Variants in ADAMTSL3 observed in about 807,000 individuals in gnomAD.
ADAMTSL3 encodes ADAMTS like 3, also known as ADAMTS-like protein 3.
A neutral mutation model predicts 201.7 loss-of-function variants in ADAMTSL3; 128 were observed. The observed-to-expected ratio is 0.63, with a 90% CI of 0.55 to 0.73. ADAMTSL3 has a LOEUF of 0.73. ADAMTSL3 is among the 30% of genes least tolerant of loss of function. The probability of loss-of-function intolerance (pLI) is 0.00; values close to 1 mark genes in which losing one functional copy is unlikely to be tolerated. For missense variants in ADAMTSL3, 1,990 were observed against 2,119.6 expected (o/e 0.94, Z 1.20); for synonymous variants, 738 against 748.4 (o/e 0.99, Z 0.23).
intron 2 of ADAMTSL3, among the ~76,000 whole-genome samples, chr15:83,660,532 G>A (rs1380690423): frequency 6.6e-6 from 1 of 152,226 alleles, no homozygotes; most frequent in Admixed American, 6.5e-5. Context: ...CATGCTGGGT[G>A]ATCTGGGAGA....
intron 17 of ADAMTSL3, among the ~76,000 whole-genome samples, chr15:83,928,002 GTCTC>G (rs775421094): frequency 6.6e-6 from 1 of 151,058 alleles, no homozygotes; most frequent in Non-Finnish European, 1.5e-5. Context: ...TTGAGATAGG[GTCTC>G]TCTCTGTTGC....
At chr15:83,989,044 G>A (rs1020672941) in intron 22 of ADAMTSL3, among the ~76,000 whole-genome samples, 9 of 151,718 alleles carry the variant, frequency 5.9e-5, no homozygotes, top group Non-Finnish European at 1.2e-4. Context: ...CACCACGCCC[G>A]GCTAATTTTT....
chr15:83,829,447 A>G (rs2064103114), intron 6 of ADAMTSL3, among the ~76,000 whole-genome samples: 1 of 151,980 alleles, frequency 6.6e-6, no homozygotes, highest in South Asian at 2.1e-4. Context: ...CTAGCAGTCT[A>G]TCAATTTTGT....
chr15:83,841,912 C>T (rs1033879283), intron 7 of ADAMTSL3, among the ~76,000 whole-genome samples: 3 of 151,812 alleles, frequency 2.0e-5, no homozygotes, highest in Admixed American at 1.3e-4. Context: ...AACACACAGA[C>T]GCCGACAGGC....
chr15:83,768,318 A>T (rs961840594), intron 3 of ADAMTSL3, among the ~76,000 whole-genome samples: 1 of 152,328 alleles, frequency 6.6e-6, no homozygotes, highest in Non-Finnish European at 1.5e-5. Flanking sequence ...CTCAGAGTCA[A>T]ACAGCTTTTA....
At chr15:83,784,882 C>G (rs1278577635) in intron 4 of ADAMTSL3, among the ~76,000 whole-genome samples, 1 of 150,832 alleles carries the variant, frequency 6.6e-6, no homozygotes, top group Non-Finnish European at 1.5e-5. Flanking sequence ...TTCTTTATAT[C>G]TTTTCTTTCA....
chr15:83,677,557 A>G (rs1230484483), intron 2 of ADAMTSL3, among the ~76,000 whole-genome samples: 1 of 152,030 alleles, frequency 6.6e-6, no homozygotes, highest in Admixed American at 6.6e-5. Flanking sequence ...ACTTTATCTA[A>G]TATGAATGTA....
At chr15:83,831,364 C>G (rs2064153927) in intron 6 of ADAMTSL3, among the ~76,000 whole-genome samples, 1 of 152,018 alleles carries the variant, frequency 6.6e-6, no homozygotes, top group Non-Finnish European at 1.5e-5. Context: ...TGAGCATAAA[C>G]CCCCTTTTCA....
intron 8 of ADAMTSL3, among the ~76,000 whole-genome samples, chr15:83,868,569 T>G (rs2065022408): frequency 6.6e-6 from 1 of 152,176 alleles, no homozygotes; most frequent in African/African-American, 2.4e-5. Context: ...TCACCAGTCT[T>G]TCTTCACCCA....
chr15:83,654,513 C>G lies in ADAMTSL3; in HGVS notation c.-34+237C>G, dbSNP rs951536374. 6.6e-6 allele frequency among the ~76,000 whole-genome samples: 1 copy of G among 151,902 alleles called. No homozygotes were observed. Among genetic ancestry groups the G allele is most frequent in the African/African-American group, 2.4e-5 (1 of 41,358 alleles). ...GGAAGGTTCAGGGAGAGTCTTTCGG[C>G]GGCAGTTCGCGGGCTGAGGGGCGTT... On this transcript the variant is annotated intron_variant, in intron 1 of 29. Coordinates refer to ENST00000286744, the MANE Select transcript of ADAMTSL3 (RefSeq NM_207517.3). This position sits in a 1 kb window ranked among gnomAD's most constrained non-coding sequence, Gnocchi z 5.3.
intron 2 of ADAMTSL3, among the ~76,000 whole-genome samples, chr15:83,689,990 C>T (rs999809753): frequency 6.6e-6 from 1 of 152,078 alleles, no homozygotes; most frequent in African/African-American, 2.4e-5. Flanking sequence ...TGAGATTTTC[C>T]TCTTCTATTT....
At chr15:83,691,912 C>T (rs775296832) in intron 2 of ADAMTSL3, among the ~76,000 whole-genome samples, 12 of 152,130 alleles carry the variant, frequency 7.9e-5, no homozygotes, top group Admixed American at 5.2e-4. Context: ...CGGCGCCCAG[C>T]GTCCAAGTGA....
intron 2 of ADAMTSL3, among the ~76,000 whole-genome samples, chr15:83,703,945 CA>C (rs2061810096): frequency 7.4e-6 from 1 of 134,992 alleles, no homozygotes; most frequent in African/African-American, 2.9e-5. Flanking sequence ...AAAGTTTCTA[CA>C]ATGAAGTGCA....
chr15:83,773,212 G>A (rs1372812626), intron 3 of ADAMTSL3, among the ~76,000 whole-genome samples: 1 of 152,044 alleles, frequency 6.6e-6, no homozygotes, highest in African/African-American at 2.4e-5. Flanking sequence ...AGGAGTTCAA[G>A]ACCAACCTGG....
rs199876795 is a variant in ADAMTSL3 at position 83,773,488 on chromosome 15, G to T, written c.190-35G>T. ...ACATTTGCCTATACTTTATTGTGTG[G>T]TTTTTTTTTTGTTTGTTTGCTTTTT... is the stretch of plus-strand genomic sequence containing the variant. On this transcript the variant is annotated intron_variant, in intron 3 of 29. Transcript: ENST00000286744. The T allele has an allele frequency of 2.4e-4, 346 of 1,427,100 alleles. No homozygotes were observed. Among genetic ancestry groups the T allele is most frequent in the Admixed American group, 7.6e-4 (40 of 52,874 alleles). The allele number at this position is 1,427,100 out of a possible 1,614,324, so 88.4% of individuals were successfully genotyped here. A position where few individuals can be genotyped will look rare whatever the true frequency, so the allele number is the denominator to read the frequency against.
chr15:83,787,141 T>C (rs1243727066), intron 4 of ADAMTSL3, among the ~76,000 whole-genome samples: 1 of 152,220 alleles, frequency 6.6e-6, no homozygotes, highest in African/African-American at 2.4e-5. Context: ...TTTGCATTCA[T>C]TGGCAATTCT....
chr15:83,827,887 T>C (rs1567173173), intron 6 of ADAMTSL3, among the ~76,000 whole-genome samples: 1 of 152,248 alleles, frequency 6.6e-6, no homozygotes, highest in Non-Finnish European at 1.5e-5. Context: ...ATCTCTGTTT[T>C]GGTACCAGTA....
chr15:83,708,278 A>G (rs2061881006), intron 3 of ADAMTSL3, among the ~76,000 whole-genome samples: 1 of 152,182 alleles, frequency 6.6e-6, no homozygotes, highest in Non-Finnish European at 1.5e-5. Flanking sequence ...ATGGGATGCA[A>G]ATGGATGGTG....
In ADAMTSL3 at chr15:83,735,103, C is replaced by A. The variant is rs114095432; in HGVS notation, c.189+30595C>A. Among the ~76,000 whole-genome samples the A allele has an allele frequency of 7.9e-3, 1,201 of 152,158 alleles. 11 individuals are homozygous for A. Among genetic ancestry groups the A allele is most frequent in the African/African-American group, 0.027 (1,114 of 41,512 alleles). On this transcript the variant is annotated intron_variant, in intron 3 of 29. Coordinates refer to ENST00000286744, the MANE Select transcript of ADAMTSL3 (RefSeq NM_207517.3). ...ATAAGAGTATTTTTTAAAATTAAATCAACTATTAAACAAAGCAGTCTATCA... is the reference window on the plus strand; with the variant it reads ...ATAAGAGTATTTTTTAAAATTAAATAAACTATTAAACAAAGCAGTCTATCA...
Sources: allele counts gnomAD v4.1 joint callset (sites outside exome capture counted in the v4.1 genomes callset), GRCh38; gene constraint gnomAD v4.1.1; non-coding constraint Gnocchi (gnomAD v3.1); transcripts MANE v1.5; gene names NCBI Gene and HGNC (gene_info 2026-07-23, HGNC 2026-07-21).